Variants in TCF7L1 observed in about 807,000 individuals in gnomAD.
The protein encoded by TCF7L1 is transcription factor 7 like 1, also known as transcription factor 7-like 1.
A neutral mutation model predicts 63.7 loss-of-function variants in TCF7L1; 18 were observed. The ratio of observed to expected loss-of-function variants is 0.28; its 90% CI spans 0.20 to 0.42. The LOEUF (loss-of-function observed/expected upper bound fraction) is 0.42. Ranked by LOEUF, TCF7L1 falls within the 10% of genes least tolerant of loss-of-function variation. The pLI, the probability that TCF7L1 is intolerant of heterozygous loss-of-function variation, is 1.00. For synonymous variants in TCF7L1, 355 were observed against 340.9 expected, an observed-to-expected ratio of 1.04 and a Z score of -0.46; for missense variants, 654 against 779.3, an observed-to-expected ratio of 0.84 and a Z score of 1.91.
intron 3 of TCF7L1, among the ~76,000 whole-genome samples, chr2:85,138,416 C>A (rs569914930): frequency 1.6e-4 from 24 of 152,260 alleles, no homozygotes; most frequent in African/African-American, 4.8e-4. Flanking sequence ...GCTAAGGAAA[C>A]CTTTTCTTTT....
At chr2:85,201,246 G>T (rs1213740022) in intron 3 of TCF7L1, among the ~76,000 whole-genome samples, 2 of 152,140 alleles carry the variant, frequency 1.3e-5, no homozygotes, top group Non-Finnish European at 2.9e-5. Context: ...CAGTCATACA[G>T]TATGCACTGT....
intron 7 of TCF7L1, among the ~76,000 whole-genome samples, chr2:85,304,728 C>A (rs1295380442): frequency 1.3e-5 from 2 of 152,190 alleles, no homozygotes; most frequent in African/African-American, 4.8e-5. Context: ...CCAGACATAA[C>A]CCCATCTAGG....
chr2:85,200,043 C>T (rs1237629668), intron 3 of TCF7L1, among the ~76,000 whole-genome samples: 1 of 152,196 alleles, frequency 6.6e-6, no homozygotes, highest in African/African-American at 2.4e-5. Context: ...TAGTCTAATG[C>T]TTTCAGGGTT....
intron 3 of TCF7L1, among the ~76,000 whole-genome samples, chr2:85,239,951 AAAAAAAAAAAC>A (rs1398188635): frequency 2.0e-5 from 3 of 151,778 alleles, no homozygotes; most frequent in East Asian, 1.9e-4. Flanking sequence ...ATCTAAAAAA[AAAAAAAAAAAC>A]AAAAAAAAAA....
At chr2:85,292,524 T>C (rs924044921) in intron 4 of TCF7L1, among the ~76,000 whole-genome samples, 1 of 152,222 alleles carries the variant, frequency 6.6e-6, no homozygotes, top group East Asian at 1.9e-4. Context: ...TTTATACTTT[T>C]CTGTATTTCT....
chr2:85,295,049 A>G (rs1402196639), intron 4 of TCF7L1, among the ~76,000 whole-genome samples: 1 of 152,124 alleles, frequency 6.6e-6, no homozygotes, highest in Non-Finnish European at 1.5e-5. Flanking sequence ...ATTTTTTTAA[A>G]TAAAATTCTA....
intron 3 of TCF7L1, among the ~76,000 whole-genome samples, chr2:85,282,414 C>T (rs1218274841): frequency 1.3e-5 from 2 of 152,234 alleles, no homozygotes; most frequent in East Asian, 1.9e-4. Flanking sequence ...AACCTGTCAG[C>T]GTTGACACTA....
At chr2:85,273,404 C>A (rs931115301) in intron 3 of TCF7L1, among the ~76,000 whole-genome samples, 3 of 152,234 alleles carry the variant, frequency 2.0e-5, no homozygotes, top group African/African-American at 7.2e-5. Context: ...TTCAAATCAT[C>A]ACCCATACAG....
At chr2:85,173,445 C>G (rs1239548645) in intron 3 of TCF7L1, among the ~76,000 whole-genome samples, 1 of 152,146 alleles carries the variant, frequency 6.6e-6, no homozygotes, top group East Asian at 1.9e-4. Context: ...TAGAAGCACT[C>G]TGCGGGGAGG....
At chr2:85,141,524 C>T (rs954141626) in intron 3 of TCF7L1, among the ~76,000 whole-genome samples, 3 of 152,184 alleles carry the variant, frequency 2.0e-5, no homozygotes, top group African/African-American at 7.2e-5. Flanking sequence ...CTCAGTACCA[C>T]CACGGGGAAC....
intron 3 of TCF7L1, among the ~76,000 whole-genome samples, chr2:85,268,439 T>C (rs1393239592): frequency 6.7e-6 from 1 of 150,288 alleles, no homozygotes; most frequent in African/African-American, 2.4e-5. Flanking sequence ...CTTAAGGCCG[T>C]GGGGACCCAA....
chr2:85,146,878 GTTGA>G (rs572133644), intron 3 of TCF7L1, among the ~76,000 whole-genome samples: 190 of 152,274 alleles, frequency 1.2e-3, no homozygotes, highest in African/African-American at 4.5e-3. Context: ...TTAATAGCTG[GTTGA>G]TTTACAGTCT....
chr2:85,144,512 G>A (rs981140452), intron 3 of TCF7L1, among the ~76,000 whole-genome samples: 1 of 151,958 alleles, frequency 6.6e-6, no homozygotes, highest in Admixed American at 6.6e-5. Flanking sequence ...TGAGGTGGGA[G>A]GATTGCTTGA....
chr2:85,273,863 C>A (rs1001046631), intron 3 of TCF7L1, among the ~76,000 whole-genome samples: 1 of 152,028 alleles, frequency 6.6e-6, no homozygotes, highest in Non-Finnish European at 1.5e-5. Context: ...GGCAGAGTGG[C>A]GTGGGTGGGT....
chr2:85,160,836 G>T (rs1678267027), intron 3 of TCF7L1, among the ~76,000 whole-genome samples: 1 of 152,158 alleles, frequency 6.6e-6, no homozygotes, highest in South Asian at 2.1e-4. Flanking sequence ...GGGGGACAGA[G>T]CAGGACTCTG....
At chr2:85,147,074 G>A (rs2248065) in intron 3 of TCF7L1, among the ~76,000 whole-genome samples, 84,070 of 151,980 alleles carry the variant, frequency 0.55, 23,672 homozygotes, top group East Asian at 0.85. Flanking sequence ...GGAGATACAC[G>A]GGCAATCAAT....
intron 3 of TCF7L1, among the ~76,000 whole-genome samples, chr2:85,191,892 A>G (rs1309524503): frequency 6.6e-6 from 1 of 152,190 alleles, no homozygotes; most frequent in Non-Finnish European, 1.5e-5. Context: ...TACAAAGGGA[A>G]GAAACTTCAT....
intron 3 of TCF7L1, among the ~76,000 whole-genome samples, chr2:85,152,205 G>A (rs1678032946): frequency 6.6e-6 from 1 of 152,138 alleles, no homozygotes; most frequent in South Asian, 2.1e-4. Context: ...CCCAGGCCAG[G>A]AGCTGGCCAT....
At chr2:85,251,521 T>C (rs538656193) in intron 3 of TCF7L1, among the ~76,000 whole-genome samples, 1 of 152,316 alleles carries the variant, frequency 6.6e-6, no homozygotes, top group Non-Finnish European at 1.5e-5. Context: ...ACACTGCTAA[T>C]TGGGGTCGAG....
Sources: gnomAD v4.1 joint callset for allele counts (sites outside exome capture counted in the v4.1 genomes callset) on GRCh38, gnomAD v4.1.1 for gene constraint, MANE v1.5 for transcripts, NCBI Gene and HGNC (gene_info 2026-07-23, HGNC 2026-07-21) for gene names.